Variants in MMADHC observed in about 807,000 individuals in gnomAD.
MMADHC encodes cobalamin trafficking protein CblD.
In MMADHC, 23 loss-of-function variants were observed where a neutral mutation model predicts 36.3. The observed-to-expected ratio is 0.63, with a 90% CI of 0.46 to 0.90. The LOEUF (loss-of-function observed/expected upper bound fraction) is 0.90. Among genes scored for constraint, MMADHC ranks in the 40% least tolerant of loss-of-function variants. MMADHC has a pLI of 0.00. For synonymous variants in MMADHC, 97 were observed against 116.1 expected (o/e 0.84, Z 1.06); for missense variants, 330 against 348.0 (o/e 0.95, Z 0.41).
At chr2:149,575,249 A>G (rs1304766367) in intron 6 of MMADHC, among the ~76,000 whole-genome samples, 1 of 152,188 alleles carries the variant, frequency 6.6e-6, no homozygotes, top group African/African-American at 2.4e-5. Flanking sequence ...ATGTGGGTAT[A>G]CATTATTACA....
chr2:149,586,800 C>CA, intron 2 of MMADHC: 1 of 419,460 alleles, frequency 2.4e-6, no homozygotes, highest in Non-Finnish European at 4.2e-6. Flanking sequence ...AGGGCCTAAA[C>CA]ATAGATTCTA....
chr2:149,579,286 A>T lies in MMADHC; in HGVS notation c.372+145T>A. On this transcript the variant is annotated intron_variant, in intron 4 of 7. Transcript: ENST00000303319. ...TGTAGAGGACAATGCCAAGTTTTCC[A>T]AAGCTATATATGCTGTTTTTGTATA... 8.3e-6 allele frequency: 6 copies of T among 720,114 alleles called. 1 individual carries two copies. The South Asian group carries it at 1.1e-4, about 13-fold the overall frequency. The allele number at this position is 720,114 out of a possible 1,614,324, so 44.6% of individuals were successfully genotyped here.
At chr2:149,572,905 G>T (rs28429144) in intron 6 of MMADHC, among the ~76,000 whole-genome samples, 2,271 of 152,176 alleles carry the variant, frequency 0.015, 21 homozygotes, top group Non-Finnish European at 0.023. Context: ...TACAAATCAA[G>T]ACTATATTGT....
intron 6 of MMADHC, among the ~76,000 whole-genome samples, chr2:149,574,664 G>A (rs559918747): frequency 6.6e-6 from 1 of 152,286 alleles, no homozygotes; most frequent in East Asian, 1.9e-4. Context: ...AATTTAAAAT[G>A]TAGATACACA....
chr2:149,581,791 A>G (rs1002733260), intron 3 of MMADHC, among the ~76,000 whole-genome samples: 2 of 152,378 alleles, frequency 1.3e-5, no homozygotes, highest in East Asian at 1.9e-4. Flanking sequence ...TAACACATAA[A>G]AAGTACAAGG....
At chr2:149,571,264 G>T in intron 6 of MMADHC, 93 bp from the exon 7 acceptor site, 1 of 757,752 alleles carries the variant, frequency 1.3e-6, no homozygotes, top group Non-Finnish European at 2.1e-6. Flanking sequence ...TCTTGTTTCA[G>T]AAAAGAACTC....
At chr2:149,582,324 T>C in intron 2 of MMADHC, 53 bp from the exon 3 acceptor site, 1 of 1,579,568 alleles carries the variant, frequency 6.3e-7, no homozygotes, top group Non-Finnish European at 8.7e-7. Context: ...ATGTTATACT[T>C]ACATAGACAA....
At position 149,587,075 on chromosome 2, in the gene MMADHC, G is replaced by A. The variant is rs140075619; in HGVS notation, c.9+14C>T. 476 of 1,613,280 alleles carry A rather than the reference G, an allele frequency of 3.0e-4. 1 individual carries two copies. In the African/African-American group the frequency reaches 5.9e-3, roughly 20 times the overall value. ...GAGTTTACTATGCTGATTCTTAAGA[G>A]ATAATTTACTCACATTGGCCATCTC... On this transcript the variant is annotated intron_variant, in intron 2 of 7. Transcript: ENST00000303319.
chr2:149,570,508 C>T (rs574988787), intron 7 of MMADHC, among the ~76,000 whole-genome samples: 10 of 152,208 alleles, frequency 6.6e-5, no homozygotes, highest in African/African-American at 2.2e-4. Context: ...TTCCATTTCT[C>T]GATTATATCT....
At chr2:149,572,074 A>G (rs1322771890) in intron 6 of MMADHC, among the ~76,000 whole-genome samples, 1 of 152,178 alleles carries the variant, frequency 6.6e-6, no homozygotes, top group East Asian at 1.9e-4. Flanking sequence ...GTGCATATAT[A>G]AAAATTTTGG....
In MMADHC at chr2:149,575,711, C is replaced by G. The variant is rs1682704470; in HGVS notation, c.609G>C (p.Lys203Asn). 1.3e-6 allele frequency: 2 copies of G among 1,591,108 alleles called. No individual in the cohort carries two copies. The highest frequency in any genetic ancestry group is 2.7e-5 in the African/African-American group (2 of 73,702). Residue 203 changes from lysine to asparagine, a missense_variant and splice_region_variant, in exon 6 of 8, where the codon AAG (lysine) becomes AAC (asparagine). Physicochemically the swap from Lys to Asn is moderately conservative, Grantham distance 94. Transcript: ENST00000303319. ...AATTATTAGCAATTGAAAGAATTAC[C>G]TTTTCTAAGAGCACTTCTCTTTCAA... is the stretch of plus-strand genomic sequence containing the variant. Reference protein sequence around the residue: ...VEIEREVLLEKFINGAKEICY... With the variant: ...VEIEREVLLENFINGAKEICY...
chr2:149,577,044 G>A (rs905072727), intron 4 of MMADHC, among the ~76,000 whole-genome samples: 8 of 152,020 alleles, frequency 5.3e-5, no homozygotes, highest in African/African-American at 1.4e-4. Context: ...AGGAGCAGGC[G>A]CTGCAATGGT....
chr2:149,572,334 C>CAAAA (rs1558845508), intron 6 of MMADHC: 1 of 13,966 alleles, frequency 7.2e-5, no homozygotes. Context: ...GACTCCGTCT[C>CAAAA]CAAAAAAAAA....
At chr2:149,580,573 AAC>A (rs1328920185) in intron 3 of MMADHC, among the ~76,000 whole-genome samples, 1 of 152,214 alleles carries the variant, frequency 6.6e-6, no homozygotes, top group Non-Finnish European at 1.5e-5. Flanking sequence ...GGCTTAGAGA[AAC>A]AGAGGGACAA....
intron 2 of MMADHC, among the ~76,000 whole-genome samples, chr2:149,586,592 C>A (rs1382104616): frequency 6.6e-6 from 1 of 151,950 alleles, no homozygotes; most frequent in African/African-American, 2.4e-5. Flanking sequence ...GTCTTATGAC[C>A]GCTACATATG....
chr2:149,577,126 AT>A (rs1371313036), intron 4 of MMADHC, among the ~76,000 whole-genome samples: 8 of 152,220 alleles, frequency 5.3e-5, no homozygotes, highest in African/African-American at 1.9e-4. Context: ...AATAAATGCA[AT>A]TAAATATGAC....
chr2:149,570,687 A>G (rs1326279947), intron 7 of MMADHC, among the ~76,000 whole-genome samples: 1 of 152,194 alleles, frequency 6.6e-6, no homozygotes, highest in Non-Finnish European at 1.5e-5. Flanking sequence ...CCAAAAATTT[A>G]CTGGTCTAAG....
chr2:149,578,798 CT>C (rs1682753050), intron 4 of MMADHC, among the ~76,000 whole-genome samples: 1 of 151,640 alleles, frequency 6.6e-6, no homozygotes, highest in South Asian at 2.1e-4. Flanking sequence ...AAAACTCAGC[CT>C]AAAACTATGC....
Position 149,576,547 on chromosome 2 carries a change from G to A in MMADHC, c.373-5C>T, listed in dbSNP as rs750271404. 1.3e-6 allele frequency: 2 copies of A among 1,591,740 alleles called. No individual in the cohort carries two copies. Among genetic ancestry groups the A allele is most frequent in the South Asian group, 2.2e-5 (2 of 90,638 alleles). On this transcript the variant is annotated splice_region_variant and splice_polypyrimidine_tract_variant and intron_variant, in intron 4 of 7. Coordinates refer to ENST00000303319, the MANE Select transcript of MMADHC (RefSeq NM_015702.3). ...TTCAACAGGTGCATCATTACCCTAA[G>A]GGGAACAAGGATATAAGTCAACAAA... is the stretch of plus-strand genomic sequence containing the variant.
Sources: gnomAD v4.1 joint callset for allele counts (sites outside exome capture counted in the v4.1 genomes callset) on GRCh38, gnomAD v4.1.1 for gene constraint, MANE v1.5 for transcripts, NCBI Gene and HGNC (gene_info 2026-07-23, HGNC 2026-07-21) for gene names.